GRIP2: variants seen among roughly 807,000 people sequenced by gnomAD.
GRIP2 encodes glutamate receptor interacting protein 2, also known as glutamate receptor-interacting protein 2.
In GRIP2, 58 loss-of-function variants were observed where a neutral mutation model predicts 108.3. That is an observed-to-expected ratio of 0.54 (90% CI 0.43 to 0.67). The LOEUF (loss-of-function observed/expected upper bound fraction) is 0.67, where lower values mean the gene tolerates loss of function less well. Among genes scored for constraint, GRIP2 ranks in the 30% least tolerant of loss-of-function variants. The probability of loss-of-function intolerance (pLI) is 0.00; values close to 1 mark genes in which losing one functional copy is unlikely to be tolerated. For missense variants in GRIP2, 1,278 were observed against 1,430.6 expected, an observed-to-expected ratio of 0.89 and a Z score of 1.72; for synonymous variants, 586 against 598.2, an observed-to-expected ratio of 0.98 and a Z score of 0.30.
At chr3:14,552,762 T>C (rs1474546597) in intron 1 of GRIP2, among the ~76,000 whole-genome samples, 1 of 152,074 alleles carries the variant, frequency 6.6e-6, no homozygotes, top group East Asian at 1.9e-4. Context: ...ATGGCTAATT[T>C]TTGTATTTTC....
At chr3:14,558,232 A>T (rs1252040485), upstream of GRIP2, among the ~76,000 whole-genome samples, 1 of 152,216 alleles carries the variant, frequency 6.6e-6, no homozygotes, top group Non-Finnish European at 1.5e-5. Context: ...GCGGCAAAAC[A>T]GGTCTCAGGT....
chr3:14,570,844 T>C, the GRIP2 span, among the ~76,000 whole-genome samples: 2 of 152,198 alleles, frequency 1.3e-5, no homozygotes, highest in East Asian at 3.8e-4. Context: ...AATAAAGCTG[T>C]AAGGTAAAAG....
chr3:14,514,528 T>A, intron 11 of GRIP2, 50 bp from the exon 12 acceptor site: 1 of 1,479,794 alleles, frequency 6.8e-7, no homozygotes, highest in Non-Finnish European at 9.0e-7. Context: ...CACGGAGGTC[T>A]TCCTGCCAGG....
the GRIP2 span, among the ~76,000 whole-genome samples, chr3:14,563,616 G>T: frequency 6.6e-6 from 1 of 152,098 alleles, no homozygotes; most frequent in African/African-American, 2.4e-5. Context: ...CATCCCTCTG[G>T]CTGCTAGAGG....
the GRIP2 span, chr3:14,573,319 C>T: frequency 7.1e-7 from 1 of 1,413,246 alleles, no homozygotes; most frequent in Non-Finnish European, 1.0e-6. Context: ...CCAGTGACAC[C>T]ACTCAGCAGG....
intron 1 of GRIP2, among the ~76,000 whole-genome samples, chr3:14,552,609 T>C (rs1303090810): frequency 1.3e-5 from 2 of 148,906 alleles, no homozygotes; most frequent in Admixed American, 6.8e-5. Context: ...CCAGAGCTTA[T>C]TCTTTTCTTT....
intron 1 of GRIP2, among the ~76,000 whole-genome samples, chr3:14,531,983 C>T (rs1409335594): frequency 6.6e-6 from 1 of 152,076 alleles, no homozygotes; most frequent in African/African-American, 2.4e-5. Context: ...CACATGCCCC[C>T]GCCTGCCCTT....
intron 4 of GRIP2, chr3:14,524,087 T>C: frequency 1.9e-6 from 1 of 515,392 alleles, no homozygotes. Flanking sequence ...CAGTGGAGTG[T>C]GGGCGTGGTA....
chr3:14,500,779 G>T (rs1477887991), intron 21 of GRIP2, among the ~76,000 whole-genome samples: 2 of 152,124 alleles, frequency 1.3e-5, no homozygotes, highest in Admixed American at 1.3e-4. Context: ...AAAAAAAGGG[G>T]TATGCAAGAA....
At chr3:14,578,994 T>A in the GRIP2 span, among the ~76,000 whole-genome samples, 1 of 152,136 alleles carries the variant, frequency 6.6e-6, no homozygotes, top group East Asian at 1.9e-4. Context: ...AGGAAACACA[T>A]ATTCACATGA....
intron 21 of GRIP2, among the ~76,000 whole-genome samples, chr3:14,500,534 A>G (rs1693737112): frequency 6.6e-6 from 1 of 152,242 alleles, no homozygotes; most frequent in Non-Finnish European, 1.5e-5. Context: ...TGAACCTAAC[A>G]GGAGCAACGA....
At position 14,496,496 on chromosome 3, in the gene GRIP2, C is replaced by T. The variant is rs750866015; in HGVS notation, c.2744G>A (p.Trp915Ter). The T allele has an allele frequency of 2.5e-6, 4 of 1,612,382 alleles. No individual in the cohort carries two copies. The South Asian group carries it at 3.3e-5, about 13-fold the overall frequency. ...GGCTCGTACCTCCCGGCCCCTCTGC[C>T]AAGGCCGGTGGCCAGGCCTGCCCTC... is the stretch of plus-strand genomic sequence containing the variant. ...ALEGRPGHRP[W>*]QRGREVRASP... is the part of the protein sequence containing the mutation. Residue 915 changes from tryptophan to a stop codon, truncating the protein, a stop_gained, in exon 22 of 24, where the codon TGG (tryptophan) becomes TAG (stop). Transcript: ENST00000621039. LOFTEE classifies it high-confidence loss of function.
upstream of GRIP2, chr3:14,541,903 T>C (rs1331771792): frequency 1.5e-6 from 2 of 1,342,166 alleles, no homozygotes; most frequent in South Asian, 2.4e-5. Context: ...CTGGCAGTGG[T>C]CAGGGAGAGG....
chr3:14,541,856 G>T (rs1694977366), upstream of GRIP2: 5 of 1,313,386 alleles, frequency 3.8e-6, no homozygotes, highest in African/African-American at 1.5e-5. Flanking sequence ...ATCATGCAGG[G>T]ACGGGGGTAC....
the GRIP2 span, among the ~76,000 whole-genome samples, chr3:14,579,002 T>A: frequency 6.6e-5 from 10 of 152,190 alleles, no homozygotes; most frequent in Non-Finnish European, 1.3e-4. Flanking sequence ...CATATTCACA[T>A]GACACTTGCG....
chr3:14,569,150 C>T, the GRIP2 span, among the ~76,000 whole-genome samples: 3 of 152,366 alleles, frequency 2.0e-5, no homozygotes, highest in African/African-American at 7.2e-5. Context: ...CTCCCACCCA[C>T]TTTCCATCTT....
chr3:14,512,167 G>C lies in GRIP2; in HGVS notation c.1720+610C>G, dbSNP rs1216059274. ...AAGGCCCAGAGGCAGGAAGGGGCAG[G>C]CATGGCAGGGAGCAGCCAGGCTGAC... On this transcript the variant is annotated intron_variant, in intron 14 of 23. Coordinates refer to ENST00000621039, the MANE Select transcript of GRIP2 (RefSeq NM_001080423.4). This position sits in a 1 kb window ranked among gnomAD's most constrained non-coding sequence, Gnocchi z 5.1. 6.6e-6 allele frequency among the ~76,000 whole-genome samples: 1 copy of C among 152,190 alleles called. No individual in the cohort carries two copies. The highest frequency in any genetic ancestry group is 1.5e-5 in the Non-Finnish European group (1 of 68,042).
chr3:14,526,018 T>C, intron 1 of GRIP2, 87 bp from the exon 2 acceptor site: 1 of 1,208,928 alleles, frequency 8.3e-7, no homozygotes, highest in Admixed American at 2.0e-5. Flanking sequence ...TTCCACTCTG[T>C]GGACGTGGCC....
Position 14,512,004 on chromosome 3 carries a change from T to G in GRIP2, c.1721-525A>C, listed in dbSNP as rs1575003117. On this transcript the variant is annotated intron_variant, in intron 14 of 23. Transcript: ENST00000621039. This position sits in a 1 kb window ranked among gnomAD's most constrained non-coding sequence, Gnocchi z 5.1. ...ATTTAAACACCGATGAAGTGAGCTGTGGAGAAACCTGAGAAACGGGCTTGT... is the reference window on the plus strand; with the variant it reads ...ATTTAAACACCGATGAAGTGAGCTGGGGAGAAACCTGAGAAACGGGCTTGT... Among the ~76,000 whole-genome samples, 1 of 152,232 alleles carries G rather than the reference T, an allele frequency of 6.6e-6. No homozygotes were observed. Among genetic ancestry groups the G allele is most frequent in the East Asian group, 1.9e-4 (1 of 5,178 alleles).
Sources: gnomAD v4.1 joint callset for allele counts (sites outside exome capture counted in the v4.1 genomes callset) on GRCh38, gnomAD v4.1.1 for gene constraint, Gnocchi (gnomAD v3.1) non-coding constraint, MANE v1.5 for transcripts, NCBI Gene and HGNC (gene_info 2026-07-23, HGNC 2026-07-21) for gene names.